Variants in UNC13C observed in about 807,000 individuals in gnomAD.
The protein encoded by UNC13C is protein unc-13 homolog C.
A neutral mutation model predicts 245.4 loss-of-function variants in UNC13C; 174 were observed. The ratio of observed to expected loss-of-function variants is 0.71; its 90% confidence interval spans 0.63 to 0.80. UNC13C has a LOEUF of 0.80. Among genes scored for constraint, UNC13C ranks in the 30% least tolerant of loss-of-function variants. The pLI is 0.00. For missense variants in UNC13C, 2,829 were observed against 2,602.9 expected, an observed-to-expected ratio of 1.09 and a Z score of -1.89; for synonymous variants, 992 against 895.1, an observed-to-expected ratio of 1.11 and a Z score of -1.93.
At chr15:54,561,910 G>A (rs62022759) in intron 29 of UNC13C, among the ~76,000 whole-genome samples, 8,400 of 151,950 alleles carry the variant, frequency 0.055, 359 homozygotes, top group Admixed American at 0.13. Flanking sequence ...ACAAGCCAGG[G>A]AGAGTTGTTG....
At chr15:54,146,744 G>T (rs957922550) in intron 4 of UNC13C, among the ~76,000 whole-genome samples, 1 of 152,182 alleles carries the variant, frequency 6.6e-6, no homozygotes, top group Non-Finnish European at 1.5e-5. Context: ...CATACAGAAA[G>T]CACACAGCAA....
chr15:54,007,839 C>T (rs941512843), intron 1 of UNC13C, among the ~76,000 whole-genome samples: 4 of 152,028 alleles, frequency 2.6e-5, no homozygotes, highest in Admixed American at 2.0e-4. Flanking sequence ...GAATAAGGGC[C>T]AGTGAGACAA....
At position 54,013,654 on chromosome 15, in the gene UNC13C, C is replaced by A; in HGVS notation, c.751C>A (p.Gln251Lys). 6.2e-7 allele frequency: 1 copy of A among 1,613,780 alleles called. No individual in the cohort carries two copies. The highest frequency in any genetic ancestry group is 8.5e-7 in the Non-Finnish European group (1 of 1,179,836). The part of the protein sequence containing the change: ...DVMEMIFKEL[Q>K]GISQIETELS... ...CATGGAAATGATCTTTAAGGAACTT[C>A]AGGGAATAAGTCAGATTGAAACAGA... Residue 251 changes from glutamine to lysine, a missense_variant, in exon 2 of 33, where the codon CAG becomes AAG. Transcript: ENST00000260323.
chr15:54,351,570 G>T (rs576542512), intron 17 of UNC13C, among the ~76,000 whole-genome samples: 2 of 152,136 alleles, frequency 1.3e-5, no homozygotes, highest in Non-Finnish European at 2.9e-5. Flanking sequence ...GAAAATGGTA[G>T]ATGTTACTTG....
intron 17 of UNC13C, among the ~76,000 whole-genome samples, chr15:54,388,381 A>T (rs1011026296): frequency 2.0e-5 from 3 of 152,150 alleles, no homozygotes; most frequent in African/African-American, 4.8e-5. Flanking sequence ...GCGTAGTGTC[A>T]CTACAAGTTC....
chr15:54,300,078 C>T (rs1596172748), intron 12 of UNC13C, 132 bp from the exon 13 acceptor site: 1 of 771,678 alleles, frequency 1.3e-6, no homozygotes, highest in Non-Finnish European at 2.0e-6. Context: ...TCAAGATATT[C>T]CTATTGCTTG....
At chr15:54,171,305 T>C (rs144243937) in intron 4 of UNC13C, among the ~76,000 whole-genome samples, 2 of 151,994 alleles carry the variant, frequency 1.3e-5, no homozygotes, top group African/African-American at 4.8e-5. Flanking sequence ...ATCAGCAAAG[T>C]GAAGAGACAA....
chr15:54,011,250 A>G (rs1189469947), intron 1 of UNC13C, among the ~76,000 whole-genome samples: 1 of 152,156 alleles, frequency 6.6e-6, no homozygotes, highest in Non-Finnish European at 1.5e-5. Flanking sequence ...GGTGGGCTTC[A>G]TTTCGCATTG....
At position 54,567,929 on chromosome 15, in the gene UNC13C, G is replaced by C; in HGVS notation, c.6088G>C (p.Asp2030His). 1 of 1,576,718 alleles carries C rather than the reference G, an allele frequency of 6.3e-7. No individual in the cohort carries two copies. The highest frequency in any genetic ancestry group is 1.2e-5 in the South Asian group (1 of 85,162). The change falls in exon 30 of 33, where the codon GAT (aspartate) becomes CAT (histidine). Residue 2030 changes from aspartate (D) to histidine (H), a missense_variant. Coordinates refer to ENST00000260323, the MANE Select transcript of UNC13C (RefSeq NM_001080534.3). ...TTDALIKKFI[D>H]TQTSQSRSSK... ...TGATGCCTTGATAAAGAAATTCATAGATACTCAAACCTCACAGAGTAAGTA... is the reference window on the plus strand; with the variant it reads ...TGATGCCTTGATAAAGAAATTCATACATACTCAAACCTCACAGAGTAAGTA...
chr15:53,970,245 A>G, the UNC13C span, among the ~76,000 whole-genome samples: 3 of 151,806 alleles, frequency 2.0e-5, no homozygotes, highest in African/African-American at 4.8e-5. Flanking sequence ...AATTTTTTGT[A>G]TTTAGTAGAG....
chr15:54,202,949 G>A (rs186272980), intron 4 of UNC13C, among the ~76,000 whole-genome samples: 8 of 151,844 alleles, frequency 5.3e-5, no homozygotes, highest in Admixed American at 5.3e-4. Flanking sequence ...AGAGTTTACA[G>A]GAACTCGAAC....
At chr15:54,008,132 G>A (rs966758934) in intron 1 of UNC13C, among the ~76,000 whole-genome samples, 1 of 152,118 alleles carries the variant, frequency 6.6e-6, no homozygotes, top group South Asian at 2.1e-4. Flanking sequence ...ATCTCCTTTA[G>A]CTCACTAGGG....
intron 19 of UNC13C, among the ~76,000 whole-genome samples, chr15:54,486,245 A>G (rs898707590): frequency 8.1e-6 from 1 of 123,164 alleles, no homozygotes; most frequent in Admixed American, 9.3e-5. Context: ...ACCCAGATCT[A>G]TTAAAACACA....
At chr15:53,862,134 A>G in the UNC13C span, among the ~76,000 whole-genome samples, 1 of 152,102 alleles carries the variant, frequency 6.6e-6, no homozygotes, top group Non-Finnish European at 1.5e-5. Context: ...GAATTCTGGA[A>G]AGGGCTCTAT....
intron 17 of UNC13C, among the ~76,000 whole-genome samples, chr15:54,353,005 A>C (rs967360936): frequency 2.0e-5 from 3 of 152,208 alleles, no homozygotes; most frequent in Admixed American, 6.5e-5. Flanking sequence ...GAAGCATTCA[A>C]AATTATGCAG....
At position 54,014,765 on chromosome 15, in the gene UNC13C, A is replaced by G; in HGVS notation, c.1862A>G (p.Asn621Ser). The change falls in exon 2 of 33, where the codon AAC becomes AGC. Residue 621 changes from asparagine (N) to serine (S), a missense_variant. Coordinates refer to ENST00000260323, the MANE Select transcript of UNC13C (RefSeq NM_001080534.3). ...QGIQGQTETENTETVDSGMSN... is the reference protein window; with the variant it reads ...QGIQGQTETESTETVDSGMSN... ...ATCCAAGGGCAGACTGAAACTGAAA[A>G]CACAGAAACTGTGGATAGTGGAATG... 1.2e-6 allele frequency: 2 copies of G among 1,613,882 alleles called. No homozygotes were observed. Among genetic ancestry groups the G allele is most frequent in the South Asian group, 1.1e-5 (1 of 91,080 alleles).
chr15:54,146,347 C>A (rs1399945887), intron 4 of UNC13C, among the ~76,000 whole-genome samples: 1 of 152,164 alleles, frequency 6.6e-6, no homozygotes, highest in African/African-American at 2.4e-5. Context: ...CGACATTCAT[C>A]CTTCCCTTAG....
intron 2 of UNC13C, among the ~76,000 whole-genome samples, chr15:54,037,072 A>G (rs1896605259): frequency 6.6e-6 from 1 of 152,160 alleles, no homozygotes; most frequent in South Asian, 2.1e-4. Context: ...TTAAGGGGAG[A>G]CCTGTCCTAA....
At chr15:54,222,244 C>A (rs1385965190) in intron 4 of UNC13C, among the ~76,000 whole-genome samples, 1 of 151,966 alleles carries the variant, frequency 6.6e-6, no homozygotes, top group African/African-American at 2.4e-5. Context: ...CCTCCTCCAC[C>A]CACCCCTACC....
Sources: gnomAD v4.1 joint callset for allele counts (sites outside exome capture counted in the v4.1 genomes callset) on GRCh38, gnomAD v4.1.1 for gene constraint, MANE v1.5 for transcripts, NCBI Gene and HGNC (gene_info 2026-07-23, HGNC 2026-07-21) for gene names.